The following KCNB2 variants were observed in gnomAD, a reference collection of about 807,000 sequenced individuals.
The protein encoded by KCNB2 is potassium voltage-gated channel subfamily B member 2.
In KCNB2, 15 loss-of-function variants were observed where a neutral mutation model predicts 61.5. The ratio of observed to expected loss-of-function variants is 0.24; its 90% confidence interval spans 0.16 to 0.38. The LOEUF (loss-of-function observed/expected upper bound fraction) is 0.38. Ranked by LOEUF, KCNB2 falls within the 10% of genes least tolerant of loss-of-function variation. The pLI is 1.00. For missense variants in KCNB2, 828 were observed against 1,125.2 expected (o/e 0.74, Z 3.78); for synonymous variants, 457 against 446.0 (o/e 1.02, Z -0.31).
chr8:72,674,913 A>AT (rs1229038780), intron 2 of KCNB2, among the ~76,000 whole-genome samples: 6 of 152,092 alleles, frequency 3.9e-5, no homozygotes, highest in Non-Finnish European at 2.9e-5. Flanking sequence ...AAAAATAAAG[A>AT]TTTTTTTCTC....
intron 2 of KCNB2, among the ~76,000 whole-genome samples, chr8:72,568,567 G>C (rs1194982544): frequency 6.6e-6 from 1 of 152,192 alleles, no homozygotes; most frequent in African/African-American, 2.4e-5. Flanking sequence ...GGATGAAAGA[G>C]AGTCCTGGTT....
rs533519130 is a variant in KCNB2, at chr8:72,792,722, G to A, written c.580-143213G>A. ...ACAACTAGAGTTGGAAACCACTGAC[G>A]TCCACAATCTGATAGCTCTACTGAT... On this transcript the variant is annotated intron_variant, in intron 2 of 2. Coordinates refer to ENST00000523207, the MANE Select transcript of KCNB2 (RefSeq NM_004770.3). 6.6e-5 allele frequency among the ~76,000 whole-genome samples: 10 copies of A among 152,258 alleles called. 1 individual carries two copies. The South Asian group carries it at 1.5e-3, about 22-fold the overall frequency.
intron 2 of KCNB2, among the ~76,000 whole-genome samples, chr8:72,768,058 T>C (rs772375070): frequency 1.3e-5 from 2 of 152,240 alleles, no homozygotes; most frequent in Non-Finnish European, 2.9e-5. Context: ...TTGTTAATTG[T>C]ATTTAACTTT....
intron 2 of KCNB2, among the ~76,000 whole-genome samples, chr8:72,872,106 G>A (rs1805627768): frequency 6.6e-6 from 1 of 152,190 alleles, no homozygotes; most frequent in Non-Finnish European, 1.5e-5. Flanking sequence ...TAAGCAGCTT[G>A]TCAGTTTCAC....
intron 2 of KCNB2, among the ~76,000 whole-genome samples, chr8:72,757,357 C>G (rs1165527584): frequency 6.6e-6 from 1 of 152,042 alleles, no homozygotes. Flanking sequence ...GAAAGGGAGA[C>G]AGCAAATACA....
intron 2 of KCNB2, among the ~76,000 whole-genome samples, chr8:72,934,945 C>G (rs1235001389): frequency 6.6e-6 from 1 of 152,002 alleles, no homozygotes. Context: ...TTCCACATAC[C>G]TGTCCTTGGC....
intron 2 of KCNB2, among the ~76,000 whole-genome samples, chr8:72,843,744 G>A (rs2129002787): frequency 6.6e-6 from 1 of 152,210 alleles, no homozygotes; most frequent in South Asian, 2.1e-4. Context: ...TTTTATCAGA[G>A]ACTGGGATTG....
At chr8:72,783,427 C>T (rs1808796553) in intron 2 of KCNB2, among the ~76,000 whole-genome samples, 2 of 152,180 alleles carry the variant, frequency 1.3e-5, no homozygotes, top group Non-Finnish European at 2.9e-5. Context: ...CTGCTAATCT[C>T]TCAGGCCCTT....
rs10561095 is a variant in KCNB2 at position 72,839,599 on chromosome 8, C to CTTTTTTTTTTT, written c.580-96315_580-96305dup. On this transcript the variant is annotated intron_variant, in intron 2 of 2. Transcript: ENST00000523207. ...CCTTGAGCTAAACTTTGAAAGGCTT[C>CTTTTTTTTTTT]TTTTTTTTTTTTTTTTTTTTTTTTT... is the stretch of plus-strand genomic sequence containing the variant. Among the ~76,000 whole-genome samples the CTTTTTTTTTTT allele has an allele frequency of 3.9e-4, 34 of 87,658 alleles. 2 individuals are homozygous for CTTTTTTTTTTT. The highest frequency in any genetic ancestry group is 8.3e-4 in the African/African-American group (17 of 20,442). 57.5% of individuals were successfully genotyped at this position (87,658 alleles called of 152,430 possible).
At chr8:72,889,611 T>A (rs1805863463) in intron 2 of KCNB2, among the ~76,000 whole-genome samples, 1 of 151,986 alleles carries the variant, frequency 6.6e-6, no homozygotes, top group Non-Finnish European at 1.5e-5. Context: ...CACTTGAGCC[T>A]GGGAGGTGGA....
At chr8:72,789,482 G>A (rs1808899822) in intron 2 of KCNB2, among the ~76,000 whole-genome samples, 1 of 152,134 alleles carries the variant, frequency 6.6e-6, no homozygotes, top group Admixed American at 6.5e-5. Context: ...TGTTGAGCTG[G>A]CTGTTGAAGG....
At position 72,714,270 on chromosome 8, in the gene KCNB2, G is replaced by A. The variant is rs180865858; in HGVS notation, c.579+145957G>A. On this transcript the variant is annotated intron_variant, in intron 2 of 2. Coordinates refer to ENST00000523207, the MANE Select transcript of KCNB2 (RefSeq NM_004770.3). ...TATCCAGGAGAACTTCCCCAATCTA[G>A]CAAGGCAGGCCAACATTCAAATTCA... is the stretch of plus-strand genomic sequence containing the variant. Among the ~76,000 whole-genome samples the A allele has an allele frequency of 5.3e-5, 8 of 152,284 alleles. No individual in the cohort carries two copies. The East Asian group carries it at 1.5e-3, about 29-fold the overall frequency.
intron 2 of KCNB2, among the ~76,000 whole-genome samples, chr8:72,906,567 A>C (rs1358873842): frequency 6.6e-6 from 1 of 152,234 alleles, no homozygotes. Flanking sequence ...TATGTAAAAA[A>C]TCATTTCCTC....
chr8:72,925,317 G>T (rs892525718), intron 2 of KCNB2, among the ~76,000 whole-genome samples: 1 of 152,192 alleles, frequency 6.6e-6, no homozygotes. Context: ...TTGGAAGTTG[G>T]AGTGGCAGAA....
At chr8:72,637,779 C>T (rs1805990057) in intron 2 of KCNB2, among the ~76,000 whole-genome samples, 1 of 152,122 alleles carries the variant, frequency 6.6e-6, no homozygotes, top group African/African-American at 2.4e-5. Context: ...TCACTAAAGA[C>T]GTGCCATCAA....
chr8:72,763,176 A>G (rs1039146883), intron 2 of KCNB2, among the ~76,000 whole-genome samples: 2 of 152,034 alleles, frequency 1.3e-5, no homozygotes, highest in African/African-American at 4.8e-5. Flanking sequence ...TTTCTCACTA[A>G]TGATGTATGT....
At chr8:72,821,660 A>G (rs1347379479) in intron 2 of KCNB2, among the ~76,000 whole-genome samples, 2 of 104,248 alleles carry the variant, frequency 1.9e-5, no homozygotes, top group African/African-American at 6.6e-5. Flanking sequence ...AAAAAAAAAA[A>G]CACACACACA....
chr8:72,806,351 C>CT (rs1401062361), intron 2 of KCNB2, among the ~76,000 whole-genome samples: 1 of 116,760 alleles, frequency 8.6e-6, no homozygotes, highest in African/African-American at 3.3e-5. Context: ...GAGCGAGACT[C>CT]TAAGAAAAAA....
intron 2 of KCNB2, among the ~76,000 whole-genome samples, chr8:72,715,067 C>A (rs1314451045): frequency 1.3e-5 from 2 of 152,048 alleles, no homozygotes; most frequent in Non-Finnish European, 2.9e-5. Flanking sequence ...ACAAAGAAGG[C>A]CATTACATAA....
Sources: gnomAD v4.1 joint callset for allele counts (sites outside exome capture counted in the v4.1 genomes callset) on GRCh38, gnomAD v4.1.1 for gene constraint, MANE v1.5 for transcripts, NCBI Gene and HGNC (gene_info 2026-07-23, HGNC 2026-07-21) for gene names.